The following PTPN22 variants were observed in gnomAD, a reference collection of about 807,000 sequenced individuals.
PTPN22 encodes the protein protein tyrosine phosphatase non-receptor type 22, also known as tyrosine-protein phosphatase non-receptor type 22.
In PTPN22, 85 loss-of-function variants were observed where a neutral mutation model predicts 103.3. The ratio of observed to expected loss-of-function variants is 0.82; its 90% CI spans 0.69 to 0.99. The LOEUF is 0.99. PTPN22 is among the 50% of genes least tolerant of loss of function. PTPN22 has a pLI of 0.00. For missense variants in PTPN22, 865 were observed against 936.9 expected (o/e 0.92, Z 1.00); for synonymous variants, 323 against 310.2 (o/e 1.04, Z -0.43).
intron 11 of PTPN22, among the ~76,000 whole-genome samples, chr1:113,846,724 G>A (rs985187368): frequency 1.3e-5 from 2 of 152,080 alleles, no homozygotes; most frequent in Admixed American, 6.6e-5. Flanking sequence ...TTTTCACTGG[G>A]TGTAAAACTC....
At chr1:113,814,136 T>A (rs1428635301) in exon 21 of PTPN22, 2 of 152,322 alleles carry the variant, frequency 1.3e-5, no homozygotes, top group African/African-American at 4.8e-5. Context: ...TTTAAACTAG[T>A]ATTTCTGATT....
intron 1 of PTPN22, among the ~76,000 whole-genome samples, chr1:113,865,433 T>C (rs1666041506): frequency 6.6e-6 from 1 of 151,880 alleles, no homozygotes; most frequent in Non-Finnish European, 1.5e-5. Flanking sequence ...AAAATGAACA[T>C]AATATTTTCC....
At chr1:113,822,096 TGA>T (rs1275870671) in intron 19 of PTPN22, among the ~76,000 whole-genome samples, 1 of 152,214 alleles carries the variant, frequency 6.6e-6, no homozygotes, top group Non-Finnish European at 1.5e-5. Context: ...GAGACTAACC[TGA>T]GAGACATGAA....
At chr1:113,858,764 C>T (rs986851483) in intron 3 of PTPN22, among the ~76,000 whole-genome samples, 191 bp from the exon 4 acceptor site, 1 of 151,726 alleles carries the variant, frequency 6.6e-6, no homozygotes, top group African/African-American at 2.4e-5. Context: ...CTCAGCCTCT[C>T]CAGTAGCTGG....
chr1:113,845,203 T>G (rs1663947149), intron 11 of PTPN22, among the ~76,000 whole-genome samples: 1 of 150,420 alleles, frequency 6.6e-6, no homozygotes, highest in Non-Finnish European at 1.5e-5. Context: ...TGTTTTTGTT[T>G]TTTTTTTTTT....
chr1:113,843,783 C>T (rs1449259900), intron 11 of PTPN22, among the ~76,000 whole-genome samples: 1 of 152,134 alleles, frequency 6.6e-6, no homozygotes, highest in Non-Finnish European at 1.5e-5. Flanking sequence ...TCTTCCTTAA[C>T]CATTTGATAG....
exon 13 of PTPN22, chr1:113,837,667 T>C: frequency 6.2e-7 from 1 of 1,605,238 alleles, no homozygotes; most frequent in Non-Finnish European, 8.5e-7. Context: ...ATGTGAATTG[T>C]AATAAGAGAA....
chr1:113,822,444 T>C (rs1661691444), intron 19 of PTPN22, among the ~76,000 whole-genome samples: 1 of 152,168 alleles, frequency 6.6e-6, no homozygotes, highest in African/African-American at 2.4e-5. Context: ...GCATGACCCA[T>C]AAAAATCTAA....
intron 11 of PTPN22, among the ~76,000 whole-genome samples, chr1:113,847,442 T>C (rs1664193941): frequency 6.6e-6 from 1 of 151,802 alleles, no homozygotes; most frequent in Admixed American, 6.6e-5. Context: ...CATCTCGGTG[T>C]TGTCACCTAT....
chr1:113,860,390 G>A (rs1665463654), intron 1 of PTPN22, among the ~76,000 whole-genome samples: 1 of 152,042 alleles, frequency 6.6e-6, no homozygotes, highest in Non-Finnish European at 1.5e-5. Flanking sequence ...GTAAGATTTG[G>A]TACTATCTGC....
chr1:113,856,656 T>C lies in PTPN22; in HGVS notation c.409-37A>G, dbSNP rs755151864. On this transcript the variant is annotated intron_variant, in intron 5 of 20. Transcript: ENST00000359785. ...AGCAGAATACAGTGATTTCCCTCCA[T>C]ATATTCTAGTCTTTTCCACTCTCTC... 7 of 1,613,672 alleles carry C rather than the reference T, an allele frequency of 4.3e-6. No individual in the cohort carries two copies. The South Asian group carries it at 5.5e-5, about 13-fold the overall frequency.
rs778037340 is a variant in PTPN22, at chr1:113,871,536, C to A, written c.87+1G>T. The A allele has an allele frequency of 6.2e-7, 1 of 1,613,652 alleles. No homozygotes were observed. Among genetic ancestry groups the A allele is most frequent in the South Asian group, 1.1e-5 (1 of 91,076 alleles). ...CTGAGAGGGTCACATACAGGACTCA[C>A]CAGAAATTCATTGGCAAACTCCTCT... On this transcript the variant is annotated splice_donor_variant, in intron 1 of 20. Coordinates refer to ENST00000359785, the Ensembl canonical transcript of PTPN22. LOFTEE classifies it high-confidence loss of function.
At chr1:113,864,339 A>G (rs1477740533) in intron 1 of PTPN22, 1 of 422,430 alleles carries the variant, frequency 2.4e-6, no homozygotes, top group Non-Finnish European at 4.7e-6. Context: ...GCAGTGAGCT[A>G]TGATCAAGCC....
chr1:113,823,200 C>T (rs1249180785), intron 19 of PTPN22: 1 of 152,146 alleles, frequency 6.6e-6, no homozygotes, highest in Non-Finnish European at 1.5e-5. Flanking sequence ...ATACCAAGTG[C>T]CTTACAGAAT....
At chr1:113,853,822 C>G (rs528125778) in intron 9 of PTPN22, among the ~76,000 whole-genome samples, 1 of 149,728 alleles carries the variant, frequency 6.7e-6, no homozygotes, top group East Asian at 2.0e-4. Flanking sequence ...GCTGGGATTA[C>G]AGGCACATGC....
At chr1:113,829,815 A>T (rs1190968887) in intron 17 of PTPN22, 108 bp from the exon 18 acceptor site, 1 of 1,188,006 alleles carries the variant, frequency 8.4e-7, no homozygotes, top group Non-Finnish European at 1.2e-6. Context: ...TATTTTGACT[A>T]TATATTAGGG....
chr1:113,868,760 G>T (rs1262326657), intron 1 of PTPN22, among the ~76,000 whole-genome samples: 1 of 152,120 alleles, frequency 6.6e-6, no homozygotes, highest in African/African-American at 2.4e-5. Flanking sequence ...ACCTGATGGG[G>T]CATGGGTCTT....
chr1:113,828,288 C>T lies in PTPN22; in HGVS notation c.2250+1304G>A, dbSNP rs527695796. ...ATTTATCTATCTCTTTTCTTATGGC[C>T]TCCGGATTTTGAGTAAGTTATAAAG... On this transcript the variant is annotated intron_variant, in intron 18 of 20. Transcript: ENST00000359785. Among the ~76,000 whole-genome samples the T allele has an allele frequency of 6.6e-5, 10 of 152,150 alleles. No homozygotes were observed. The South Asian group carries it at 1.9e-3, about 28-fold the overall frequency.
intron 1 of PTPN22, 21 bp downstream of exon 1, chr1:113,871,516 A>C (rs1295502118): frequency 5.6e-6 from 9 of 1,599,170 alleles, no homozygotes; most frequent in Non-Finnish European, 7.7e-6. Context: ...CTACCCTGAG[A>C]GGGTCACATA....
Sources: allele counts gnomAD v4.1 joint callset (sites outside exome capture counted in the v4.1 genomes callset), GRCh38; gene constraint gnomAD v4.1.1; transcripts MANE v1.5; gene names NCBI Gene and HGNC (gene_info 2026-07-23, HGNC 2026-07-21).